AFF3: variants seen among roughly 807,000 people sequenced by gnomAD.
The protein encoded by AFF3 is AF4/FMR2 family member 3.
AFF3 carries 32 observed loss-of-function variants against 129.7 expected under a neutral mutation model. The observed-to-expected ratio is 0.25, with a 90% CI of 0.19 to 0.33. The LOEUF (loss-of-function observed/expected upper bound fraction) is 0.33. Among genes scored for constraint, AFF3 ranks in the 10% least tolerant of loss-of-function variants. The probability of loss-of-function intolerance (pLI) is 1.00; values close to 1 mark genes in which losing one functional copy is unlikely to be tolerated. For synonymous variants in AFF3, 644 were observed against 635.4 expected (o/e 1.01, Z -0.20); for missense variants, 1,373 against 1,592.0 (o/e 0.86, Z 2.34).
intron 7 of AFF3, among the ~76,000 whole-genome samples, chr2:99,865,216 T>A (rs985961485): frequency 6.6e-6 from 1 of 152,176 alleles, no homozygotes; most frequent in African/African-American, 2.4e-5. Context: ...ACAGCTTCCA[T>A]TGCCATGGCC....
intron 7 of AFF3, among the ~76,000 whole-genome samples, chr2:99,902,679 C>T (rs1694434226): frequency 6.6e-6 from 1 of 152,056 alleles, no homozygotes. Context: ...TTGAGTAATC[C>T]AGACTTTCAT....
chr2:100,008,791 G>C, intron 5 of AFF3, 21 bp downstream of exon 5: 1 of 1,610,798 alleles, frequency 6.2e-7, no homozygotes, highest in Non-Finnish European at 8.5e-7. Flanking sequence ...AGGTAGAGAT[G>C]AACAACTGAA....
chr2:99,608,735 C>T (rs1416522869), intron 13 of AFF3, among the ~76,000 whole-genome samples: 1 of 152,134 alleles, frequency 6.6e-6, no homozygotes. Flanking sequence ...ATTACCAAAT[C>T]TTTTGATTTT....
intron 4 of AFF3, among the ~76,000 whole-genome samples, chr2:100,056,497 A>G (rs1686797522): frequency 6.6e-6 from 1 of 152,058 alleles, no homozygotes; most frequent in Non-Finnish European, 1.5e-5. Context: ...TTGATTCACA[A>G]AATATTATCT....
intron 11 of AFF3, among the ~76,000 whole-genome samples, chr2:99,687,396 C>G (rs1412766447): frequency 6.6e-6 from 1 of 151,850 alleles, no homozygotes; most frequent in Admixed American, 6.6e-5. Context: ...GGGCCAGATG[C>G]GGGAGAAGGA....
At chr2:100,074,132 G>C (rs1688409666) in intron 4 of AFF3, among the ~76,000 whole-genome samples, 2 of 152,142 alleles carry the variant, frequency 1.3e-5, no homozygotes, top group South Asian at 2.1e-4. Flanking sequence ...GCATCCGTCA[G>C]GTGTCTCAGG....
chr2:99,642,082 T>C (rs1471710800), intron 13 of AFF3, among the ~76,000 whole-genome samples: 5 of 152,134 alleles, frequency 3.3e-5, no homozygotes, highest in Non-Finnish European at 5.9e-5. Flanking sequence ...TAAGTATGAA[T>C]AGTTGGTGAA....
chr2:99,860,568 A>AAAAAACC (rs1690908633), intron 7 of AFF3, among the ~76,000 whole-genome samples: 1 of 151,412 alleles, frequency 6.6e-6, no homozygotes, highest in South Asian at 2.1e-4. Flanking sequence ...AACAAAAAAC[A>AAAAAACC]AACAAAAAAA....
At chr2:99,776,491 G>A (rs1367036084) in intron 8 of AFF3, among the ~76,000 whole-genome samples, 1 of 152,266 alleles carries the variant, frequency 6.6e-6, no homozygotes, top group Non-Finnish European at 1.5e-5. Context: ...ATCTCATTTG[G>A]AGTGGAATAT....
intron 8 of AFF3, among the ~76,000 whole-genome samples, chr2:99,821,424 T>C (rs1370905836): frequency 2.6e-5 from 4 of 152,112 alleles, no homozygotes; most frequent in Non-Finnish European, 5.9e-5. Context: ...AAAATTGTCT[T>C]GGGTCACATA....
chr2:99,853,412 G>T (rs1690288517), intron 7 of AFF3, among the ~76,000 whole-genome samples: 1 of 152,168 alleles, frequency 6.6e-6, no homozygotes, highest in South Asian at 2.1e-4. Context: ...TAGTAAGGAA[G>T]ATTAAAAGTC....
chr2:100,016,586 AGTGATG>A (rs1683107621), intron 4 of AFF3, among the ~76,000 whole-genome samples: 4 of 135,314 alleles, frequency 3.0e-5, no homozygotes, highest in Admixed American at 2.8e-4. Flanking sequence ...TAGTGACAGT[AGTGATG>A]GTGGTGGTGG....
At chr2:100,036,881 C>G (rs1401514181) in intron 4 of AFF3, among the ~76,000 whole-genome samples, 1 of 150,738 alleles carries the variant, frequency 6.6e-6, no homozygotes, top group Non-Finnish European at 1.5e-5. Context: ...TAAGGAAATA[C>G]CATTTTTACC....
At chr2:99,988,329 T>C (rs1355165960) in intron 7 of AFF3, among the ~76,000 whole-genome samples, 1 of 152,132 alleles carries the variant, frequency 6.6e-6, no homozygotes, top group Non-Finnish European at 1.5e-5. Context: ...ATGGAGAAAT[T>C]CACGCTAAAA....
chr2:99,762,826 G>A (rs1018177581), intron 8 of AFF3, among the ~76,000 whole-genome samples: 1 of 152,248 alleles, frequency 6.6e-6, no homozygotes, highest in Admixed American at 6.5e-5. Flanking sequence ...AATGCAAGAT[G>A]CTCACGTTGA....
At chr2:99,567,656 T>A (rs1465871527) in intron 19 of AFF3, among the ~76,000 whole-genome samples, 1 of 152,054 alleles carries the variant, frequency 6.6e-6, no homozygotes, top group Non-Finnish European at 1.5e-5. Context: ...TGAGAGTGTG[T>A]GAGAGTGAAT....
At chr2:99,879,557 G>A (rs1692544081) in intron 7 of AFF3, among the ~76,000 whole-genome samples, 1 of 152,212 alleles carries the variant, frequency 6.6e-6, no homozygotes, top group South Asian at 2.1e-4. Flanking sequence ...AATGAAAAGA[G>A]TTTCTCTGTC....
intron 7 of AFF3, among the ~76,000 whole-genome samples, chr2:99,862,038 T>C (rs1691038097): frequency 6.6e-6 from 1 of 152,146 alleles, no homozygotes; most frequent in Non-Finnish European, 1.5e-5. Flanking sequence ...GTCTCCACAT[T>C]GGCCAAACTG....
At chr2:99,651,981 G>A (rs895575365) in intron 12 of AFF3, among the ~76,000 whole-genome samples, 1 of 152,050 alleles carries the variant, frequency 6.6e-6, no homozygotes, top group Non-Finnish European at 1.5e-5. Flanking sequence ...GGATGACCTC[G>A]GTACACTTTT....
Sources: gnomAD v4.1 joint callset for allele counts (sites outside exome capture counted in the v4.1 genomes callset) on GRCh38, gnomAD v4.1.1 for gene constraint, MANE v1.5 for transcripts, NCBI Gene and HGNC (gene_info 2026-07-23, HGNC 2026-07-21) for gene names.